The following THRB variants were observed in gnomAD, a reference collection of about 807,000 sequenced individuals.
THRB encodes the protein nuclear receptor subfamily 1 group A member 2.
THRB carries 12 observed loss-of-function variants against 47.8 expected under a neutral mutation model. That is an observed-to-expected ratio of 0.25 (90% CI 0.16 to 0.41). The LOEUF (loss-of-function observed/expected upper bound fraction) is 0.41. THRB is among the 10% of genes least tolerant of loss of function. The pLI is 1.00. For missense variants in THRB, 348 were observed against 589.2 expected (o/e 0.59, Z 4.24); for synonymous variants, 218 against 212.2 (o/e 1.03, Z -0.24).
chr3:24,360,948 C>T (rs916698497), intron 1 of THRB, among the ~76,000 whole-genome samples: 2 of 152,088 alleles, frequency 1.3e-5, no homozygotes, highest in African/African-American at 2.4e-5. Context: ...AACCACCTCA[C>T]GTGATTCTAT....
At chr3:24,335,569 G>A (rs2149411015) in intron 2 of THRB, among the ~76,000 whole-genome samples, 1 of 152,236 alleles carries the variant, frequency 6.6e-6, no homozygotes, top group Non-Finnish European at 1.5e-5. Flanking sequence ...AAAATGCACA[G>A]GTGAGTTTTA....
intron 2 of THRB, among the ~76,000 whole-genome samples, chr3:24,334,869 A>C (rs564671410): frequency 3.7e-4 from 57 of 152,352 alleles, no homozygotes; most frequent in African/African-American, 1.3e-3. Flanking sequence ...AAAGTCCAGC[A>C]TAGTTAAAAG....
chr3:24,209,969 T>C (rs1382174205), intron 4 of THRB, among the ~76,000 whole-genome samples: 2 of 152,236 alleles, frequency 1.3e-5, no homozygotes, highest in African/African-American at 4.8e-5. Flanking sequence ...ATTCTGTTTG[T>C]TCTGATACGT....
chr3:24,428,146 A>G (rs1156789895), intron 1 of THRB, among the ~76,000 whole-genome samples: 2 of 152,042 alleles, frequency 1.3e-5, no homozygotes, highest in East Asian at 3.9e-4. Flanking sequence ...TCCATATACT[A>G]AGCTTCAGTC....
At chr3:24,213,365 T>C (rs1181335959) in intron 4 of THRB, among the ~76,000 whole-genome samples, 4 of 152,164 alleles carry the variant, frequency 2.6e-5, no homozygotes, top group Non-Finnish European at 5.9e-5. Context: ...TCTTGGAAAG[T>C]TGGAATCTTA....
chr3:24,234,052 C>T (rs2048619974), intron 3 of THRB, among the ~76,000 whole-genome samples: 1 of 152,198 alleles, frequency 6.6e-6, no homozygotes, highest in Admixed American at 6.5e-5. Context: ...TATGAAATGG[C>T]TTCAGGGACA....
intron 5 of THRB, among the ~76,000 whole-genome samples, chr3:24,171,090 A>G (rs2683529): frequency 0.26 from 39,740 of 152,104 alleles, 5,347 homozygotes; most frequent in Admixed American, 0.35. Context: ...GATGATAAAA[A>G]GGATTGAGAC....
At chr3:24,166,882 C>T (rs967647684) in intron 5 of THRB, among the ~76,000 whole-genome samples, 1 of 152,058 alleles carries the variant, frequency 6.6e-6, no homozygotes, top group African/African-American at 2.4e-5. Context: ...ACGTGGAATT[C>T]TGGGACAGGG....
intron 3 of THRB, among the ~76,000 whole-genome samples, chr3:24,243,303 G>T (rs1505298): frequency 0.86 from 130,737 of 151,860 alleles, 56,714 homozygotes; most frequent in East Asian, 0.95. Context: ...ATTCCAACAG[G>T]TAGGATACGA....
At chr3:24,428,887 CA>C (rs61288447) in intron 1 of THRB, among the ~76,000 whole-genome samples, 3,250 of 145,994 alleles carry the variant, frequency 0.022, 102 homozygotes, top group African/African-American at 0.073. Context: ...GAAGGTAAGC[CA>C]AAAAAAAAAA....
intron 1 of THRB, among the ~76,000 whole-genome samples, chr3:24,481,246 T>TGTTTTTG (rs1453962147): frequency 2.7e-5 from 4 of 147,676 alleles, no homozygotes; most frequent in South Asian, 4.3e-4. Context: ...TTTTTTTTTT[T>TGTTTTTG]TTTTTTTTTT....
intron 1 of THRB, among the ~76,000 whole-genome samples, chr3:24,457,777 T>C (rs1045614363): frequency 6.6e-6 from 1 of 152,084 alleles, no homozygotes; most frequent in African/African-American, 2.4e-5. Flanking sequence ...GAAACATCAA[T>C]AGATAGGAGT....
chr3:24,337,266 C>A (rs1252218543), intron 2 of THRB, 34 bp downstream of exon 2: 1 of 152,098 alleles, frequency 6.6e-6, no homozygotes, highest in East Asian at 1.9e-4. Context: ...TAGCAAAGAT[C>A]ACAAGTCTGC....
intron 3 of THRB, among the ~76,000 whole-genome samples, chr3:24,252,493 A>AAAAG (rs1324131923): frequency 2.4e-4 from 36 of 152,194 alleles, no homozygotes; most frequent in African/African-American, 8.7e-4. Context: ...TGTAACAAAT[A>AAAAG]AAAGCCCTAG....
intron 8 of THRB, among the ~76,000 whole-genome samples, chr3:24,141,357 G>T (rs1228363972): frequency 1.3e-5 from 2 of 152,204 alleles, no homozygotes; most frequent in Non-Finnish European, 2.9e-5. Context: ...TATAGAGGTG[G>T]TTTCTCTGCT....
chr3:24,395,760 G>A (rs1474656897), intron 1 of THRB, among the ~76,000 whole-genome samples: 1 of 152,034 alleles, frequency 6.6e-6, no homozygotes, highest in Admixed American at 6.6e-5. Flanking sequence ...TATACTCCTA[G>A]ATATATATCC....
intron 1 of THRB, among the ~76,000 whole-genome samples, chr3:24,464,547 T>C (rs888438163): frequency 6.6e-6 from 1 of 152,228 alleles, no homozygotes; most frequent in Non-Finnish European, 1.5e-5. Context: ...AGCATATACC[T>C]GGATTACGGG....
intron 1 of THRB, among the ~76,000 whole-genome samples, chr3:24,405,752 T>G (rs148959995): frequency 3.3e-3 from 503 of 151,868 alleles, no homozygotes; most frequent in Middle Eastern, 6.8e-3. Flanking sequence ...TTTAAAGTAT[T>G]TTGTCACATT....
intron 4 of THRB, among the ~76,000 whole-genome samples, chr3:24,217,977 T>C (rs954039323): frequency 2.0e-5 from 3 of 152,172 alleles, no homozygotes; most frequent in African/African-American, 7.2e-5. Context: ...ATTAAAAATA[T>C]CTTTCCTGGC....
Sources: allele counts gnomAD v4.1 joint callset (sites outside exome capture counted in the v4.1 genomes callset), GRCh38; gene constraint gnomAD v4.1.1; transcripts MANE v1.5; gene names NCBI Gene and HGNC (gene_info 2026-07-23, HGNC 2026-07-21).